SEC31A: variants seen among roughly 807,000 people sequenced by gnomAD.
SEC31A encodes the protein SEC31 homolog A, COPII component, also known as protein transport protein Sec31A.
Under a neutral mutation model 151.0 loss-of-function variants are expected in SEC31A, and 70 were observed. The observed-to-expected ratio is 0.46, with a 90% CI of 0.38 to 0.57. The LOEUF (loss-of-function observed/expected upper bound fraction) is 0.57, where lower values mean the gene tolerates loss of function less well. Among genes scored for constraint, SEC31A ranks in the 20% least tolerant of loss-of-function variants. The pLI is 0.00. For missense variants in SEC31A, 1,330 were observed against 1,471.2 expected (o/e 0.90, Z 1.57); for synonymous variants, 475 against 505.9 (o/e 0.94, Z 0.82).
intron 22 of SEC31A, among the ~76,000 whole-genome samples, chr4:82,836,174 A>C (rs1000213393): frequency 1.3e-5 from 2 of 152,104 alleles, no homozygotes; most frequent in African/African-American, 4.8e-5. Context: ...GGAGTTCGAG[A>C]CCAGCCTGGC....
At chr4:82,889,604 C>T (rs1033744765) in intron 1 of SEC31A, among the ~76,000 whole-genome samples, 2 of 151,324 alleles carry the variant, frequency 1.3e-5, no homozygotes, top group Non-Finnish European at 2.9e-5. Context: ...TGTATATGTG[C>T]ATTCTTCCAA....
intron 8 of SEC31A, among the ~76,000 whole-genome samples, chr4:82,868,905 G>C (rs1393691674): frequency 1.3e-5 from 2 of 151,946 alleles, no homozygotes; most frequent in African/African-American, 4.8e-5. Context: ...AGCCTGCCTT[G>C]CCTCCCAAAG....
intron 3 of SEC31A, among the ~76,000 whole-genome samples, chr4:82,880,274 T>G (rs1278115720): frequency 1.3e-5 from 2 of 151,892 alleles, no homozygotes; most frequent in African/African-American, 4.8e-5. Context: ...CTACCTTACA[T>G]GTAACAGCAA....
chr4:82,878,889 G>A lies in SEC31A; in HGVS notation c.243C>T (p.Ser81=), dbSNP rs1218325995. ...KLIWGPYKMD[S]KGDVSGVLIA... The stretch of plus-strand genomic sequence containing the variant: ...TCAGAACTCCAGAGACATCTCCTTT[G>A]GAATCCATTTTATAAGGCCCCCAAA... The change falls in exon 4 of 27, where the codon TCC becomes TCT. Residue 81 remains serine (S), a synonymous_variant. Transcript: ENST00000395310. 1.2e-6 allele frequency: 2 copies of A among 1,613,618 alleles called. No homozygotes were observed. The highest frequency in any genetic ancestry group is 1.7e-6 in the Non-Finnish European group (2 of 1,179,824).
At chr4:82,862,126 T>G (rs1021579524) in intron 13 of SEC31A, among the ~76,000 whole-genome samples, 3 of 151,552 alleles carry the variant, frequency 2.0e-5, no homozygotes, top group Non-Finnish European at 2.9e-5. Context: ...TTGGTCAGGC[T>G]GGTCTTGAAC....
At chr4:82,853,515 A>C in intron 18 of SEC31A, 55 bp downstream of exon 18, 1 of 1,401,352 alleles carries the variant, frequency 7.1e-7, no homozygotes, top group Non-Finnish European at 9.6e-7. Context: ...CTTGATGATA[A>C]GTAGGGTGAA....
chr4:82,824,370 A>G (rs1259821246), intron 25 of SEC31A, among the ~76,000 whole-genome samples, 185 bp downstream of exon 25: 3 of 151,974 alleles, frequency 2.0e-5, no homozygotes, highest in Admixed American at 2.0e-4. Flanking sequence ...CACACAGCTA[A>G]TTTTTTGTAT....
intron 24 of SEC31A, among the ~76,000 whole-genome samples, chr4:82,826,324 A>G (rs889535266): frequency 6.6e-6 from 1 of 152,088 alleles, no homozygotes; most frequent in African/African-American, 2.4e-5. Context: ...GCAACTCTTA[A>G]TGTTTAAAAA....
intron 4 of SEC31A, among the ~76,000 whole-genome samples, chr4:82,876,747 GATAA>G (rs1738046858): frequency 6.6e-6 from 1 of 152,184 alleles, no homozygotes; most frequent in Non-Finnish European, 1.5e-5. Flanking sequence ...AGTACAGGAA[GATAA>G]TGGGCTTCAT....
chr4:82,897,187 G>A (rs1294800052), intron 3 of SEC31A, among the ~76,000 whole-genome samples: 3 of 152,076 alleles, frequency 2.0e-5, no homozygotes, highest in African/African-American at 7.2e-5. Flanking sequence ...GAAGCATTAC[G>A]TATAAAACAA....
At chr4:82,820,138 T>C (rs1723009736) in intron 26 of SEC31A, among the ~76,000 whole-genome samples, 1 of 150,260 alleles carries the variant, frequency 6.7e-6, no homozygotes, top group African/African-American at 2.4e-5. Context: ...CTTCTGTTTT[T>C]TTTTTTTTTT....
At chr4:82,821,250 A>T in intron 25 of SEC31A, 142 bp from the exon 26 acceptor site, 1 of 675,896 alleles carries the variant, frequency 1.5e-6, no homozygotes, top group Non-Finnish European at 2.6e-6. Flanking sequence ...TACAACTAAG[A>T]AACTTGAACA....
At chr4:82,827,935 G>GAT (rs1724991970) in intron 23 of SEC31A, among the ~76,000 whole-genome samples, 1 of 148,238 alleles carries the variant, frequency 6.7e-6, no homozygotes, top group African/African-American at 2.5e-5. Flanking sequence ...TTTTTTTTGA[G>GAT]ATAGAGTCCC....
At chr4:82,888,966 G>C (rs1208202088) in intron 1 of SEC31A, among the ~76,000 whole-genome samples, 1 of 152,156 alleles carries the variant, frequency 6.6e-6, no homozygotes, top group Non-Finnish European at 1.5e-5. Flanking sequence ...TTGGAACTTG[G>C]ATTCCCAAAC....
At chr4:82,852,623 G>A (rs1344224848) in intron 18 of SEC31A, among the ~76,000 whole-genome samples, 1 of 152,116 alleles carries the variant, frequency 6.6e-6, no homozygotes, top group Non-Finnish European at 1.5e-5. Flanking sequence ...TTAAAGCACT[G>A]ACTCTGTTGA....
At chr4:82,862,675 C>T (rs1057435628) in intron 12 of SEC31A, 103 bp from the exon 13 acceptor site, 1 of 952,948 alleles carries the variant, frequency 1.0e-6, no homozygotes, top group Non-Finnish European at 1.7e-6. Context: ...CACAAAAGTT[C>T]TTATAGGAAT....
rs1553928443 is a variant in SEC31A, at chr4:82,846,366, C to CATCATAATAATAATAATAATA, written c.2503-1858_2503-1857insTATTATTATTATTATTATGAT. Among the ~76,000 whole-genome samples, 161 of 140,534 alleles carry CATCATAATAATAATAATAATA rather than the reference C, an allele frequency of 1.1e-3. 1 individual carries two copies. The highest frequency in any genetic ancestry group is 3.8e-3 in the African/African-American group (147 of 38,382). The allele number at this position is 140,534 out of a possible 152,430, so 92.2% of individuals were successfully genotyped here. A position where few individuals can be genotyped will look rare whatever the true frequency, so the allele number is the denominator to read the frequency against. Reference sequence around the variant, plus strand: ...GTAAATCTTTGCAGAAACTCCAAAACATAATAATAATAATAATAATAATAA... The same window carrying CATCATAATAATAATAATAATA: ...GTAAATCTTTGCAGAAACTCCAAAACATCATAATAATAATAATAATAATAATAATAATAATAATAATAATAA... On this transcript the variant is annotated intron_variant, in intron 20 of 26. Coordinates refer to ENST00000395310, the MANE Select transcript of SEC31A (RefSeq NM_001077207.4).
Position 82,818,527 on chromosome 4 carries a change from T to C in SEC31A, c.*547A>G, listed in dbSNP as rs886627207. On this transcript the variant is annotated 3_prime_UTR_variant, in exon 27 of 27. Transcript: ENST00000395310. The stretch of plus-strand genomic sequence containing the variant: ...TTTCCTATATAGTTAAAGCCAGTGA[T>C]CCCATTTTTATTAATATCTGCTAAA... 1 of 152,214 alleles carries C rather than the reference T, an allele frequency of 6.6e-6. No individual in the cohort carries two copies. Among genetic ancestry groups the C allele is most frequent in the African/African-American group, 2.4e-5 (1 of 41,450 alleles). The allele number at this position is 152,214 out of a possible 1,614,324, so 9.4% of individuals were successfully genotyped here. A position where few individuals can be genotyped will look rare whatever the true frequency, so the allele number is the denominator to read the frequency against.
intron 3 of SEC31A, among the ~76,000 whole-genome samples, chr4:82,879,764 CTGAAA>C (rs1738856411): frequency 6.6e-6 from 1 of 152,120 alleles, no homozygotes; most frequent in African/African-American, 2.4e-5. Context: ...TATTTTATTA[CTGAAA>C]TGAAGACCTC....
Sources: allele counts gnomAD v4.1 joint callset (sites outside exome capture counted in the v4.1 genomes callset), GRCh38; gene constraint gnomAD v4.1.1; transcripts MANE v1.5; gene names NCBI Gene and HGNC (gene_info 2026-07-23, HGNC 2026-07-21).